Variants in RPH3AL observed in about 807,000 individuals in gnomAD.
RPH3AL encodes the protein rab effector Noc2.
RPH3AL carries 38 observed loss-of-function variants against 43.1 expected under a neutral mutation model. The ratio of observed to expected loss-of-function variants is 0.88; its 90% confidence interval spans 0.68 to 1.15. The LOEUF is 1.15. RPH3AL is among the 50% of genes most tolerant of loss of function. RPH3AL has a pLI of 0.00. For synonymous variants in RPH3AL, 189 were observed against 176.3 expected (o/e 1.07, Z -0.57); for missense variants, 462 against 423.2 (o/e 1.09, Z -0.81).
Position 289,453 on chromosome 17 carries a change from C to T in RPH3AL, c.352-7599G>A, listed in dbSNP as rs997601900. 1.8e-4 allele frequency among the ~76,000 whole-genome samples: 27 copies of T among 152,136 alleles called. No individual in the cohort carries two copies. Among genetic ancestry groups the T allele is most frequent in the South Asian group, 4.1e-4 (2 of 4,828 alleles). On this transcript the variant is annotated intron_variant, in intron 5 of 9. Transcript: ENST00000331302. The surrounding 1 kb of genome is among the most constrained non-coding windows in gnomAD (Gnocchi z 5.2). ...CCCCGTCCCTGATCTCTGCTGCCACCGCCCACGCCCACACCAAGGCCGCCC... is the reference window on the plus strand; with the variant it reads ...CCCCGTCCCTGATCTCTGCTGCCACTGCCCACGCCCACACCAAGGCCGCCC...
intron 7 of RPH3AL, among the ~76,000 whole-genome samples, chr17:221,772 C>G (rs1454976748): frequency 1.7e-5 from 2 of 114,680 alleles, no homozygotes; most frequent in African/African-American, 7.6e-5. Flanking sequence ...AGCTCTGAGG[C>G]CTCCACTCAC....
intron 1 of RPH3AL, among the ~76,000 whole-genome samples, chr17:347,809 G>A (rs2045269414): frequency 6.6e-6 from 1 of 152,022 alleles, no homozygotes; most frequent in African/African-American, 2.4e-5. Flanking sequence ...CCTTCATCAG[G>A]TGAATAAACA....
At chr17:347,539 G>A (rs2045262262) in intron 1 of RPH3AL, among the ~76,000 whole-genome samples, 2 of 151,848 alleles carry the variant, frequency 1.3e-5, no homozygotes, top group African/African-American at 4.8e-5. Flanking sequence ...AGCCGTGACT[G>A]TACAACCACA....
At chr17:349,921 C>CCAGCACACCACAGGGA (rs2045320346) in intron 1 of RPH3AL, among the ~76,000 whole-genome samples, 1 of 152,164 alleles carries the variant, frequency 6.6e-6, no homozygotes, top group African/African-American at 2.4e-5. Context: ...ACTGCTGTGC[C>CCAGCACACCACAGGGA]CAGCACACCA....
intron 5 of RPH3AL, among the ~76,000 whole-genome samples, chr17:316,266 C>G (rs73971729): frequency 0.15 from 9,090 of 59,226 alleles, 1,643 homozygotes; most frequent in African/African-American, 0.34. Flanking sequence ...GTCCCTGTGA[C>G]TCCATCTCCA....
intron 6 of RPH3AL, among the ~76,000 whole-genome samples, chr17:252,745 C>CT (rs1555543037): frequency 6.6e-6 from 1 of 152,182 alleles, no homozygotes; most frequent in Non-Finnish European, 1.5e-5. Context: ...TTCCAAAATG[C>CT]TTGGGACAGA....
intron 6 of RPH3AL, among the ~76,000 whole-genome samples, chr17:249,060 C>T (rs59337913): frequency 0.31 from 46,909 of 151,906 alleles, 7,527 homozygotes; most frequent in Non-Finnish European, 0.33. Context: ...AGAGAGCCAC[C>T]GATTAGAATT....
In RPH3AL at chr17:289,521, C is replaced by T. The variant is rs2042997331; in HGVS notation, c.352-7667G>A. Among the ~76,000 whole-genome samples, 1 of 152,220 alleles carries T rather than the reference C, an allele frequency of 6.6e-6. No individual in the cohort carries two copies. Among genetic ancestry groups the T allele is most frequent in the Non-Finnish European group, 1.5e-5 (1 of 68,042 alleles). On this transcript the variant is annotated intron_variant, in intron 5 of 9. Coordinates refer to ENST00000331302, the MANE Select transcript of RPH3AL (RefSeq NM_006987.4). This position sits in a 1 kb window ranked among gnomAD's most constrained non-coding sequence, Gnocchi z 5.2. ...CACCGCGCTGTCCTCCAGCTGGTTC[C>T]CGACATGGCAGCCAGGCCGATTTTC...
intron 2 of RPH3AL, chr17:331,294 G>GATGAAGGGAGATGGAAGGAT: frequency 3.6e-6 from 1 of 281,586 alleles, no homozygotes; most frequent in Non-Finnish European, 7.0e-6. Flanking sequence ...GACGGAAAGA[G>GATGAAGGGAGATGGAAGGAT]CCAAATGCTG....
At chr17:269,691 C>T (rs2042416428) in intron 6 of RPH3AL, among the ~76,000 whole-genome samples, 1 of 152,222 alleles carries the variant, frequency 6.6e-6, no homozygotes, top group Non-Finnish European at 1.5e-5. Flanking sequence ...ATGATCATGG[C>T]CTGGCCCTTA....
intron 7 of RPH3AL, among the ~76,000 whole-genome samples, chr17:232,237 C>T (rs2041246122): frequency 6.6e-6 from 1 of 152,190 alleles, no homozygotes; most frequent in Non-Finnish European, 1.5e-5. Context: ...ATTATTTGAC[C>T]TCTCCATGAC....
At chr17:304,851 C>T (rs918037424) in intron 5 of RPH3AL, among the ~76,000 whole-genome samples, 1 of 147,846 alleles carries the variant, frequency 6.8e-6, no homozygotes, top group African/African-American at 2.5e-5. Flanking sequence ...GTTTCTGTAC[C>T]AAGTGGTACA....
At chr17:351,437 C>T (rs140564409) in intron 1 of RPH3AL, among the ~76,000 whole-genome samples, 1 of 152,294 alleles carries the variant, frequency 6.6e-6, no homozygotes, top group East Asian at 1.9e-4. Flanking sequence ...CCTCTGTTCC[C>T]TACAGGACTC....
chr17:281,243 A>G (rs1290802302), intron 6 of RPH3AL, among the ~76,000 whole-genome samples: 1 of 152,082 alleles, frequency 6.6e-6, no homozygotes, highest in Non-Finnish European at 1.5e-5. Context: ...TTTGGTTTCC[A>G]GCTCCCCCAC....
chr17:317,303 C>T (rs1386718452), intron 5 of RPH3AL, among the ~76,000 whole-genome samples: 1 of 151,556 alleles, frequency 6.6e-6, no homozygotes, highest in African/African-American at 2.4e-5. Flanking sequence ...TGTCCCACCT[C>T]CATTGACCTT....
At chr17:268,722 C>G (rs533851699) in intron 6 of RPH3AL, among the ~76,000 whole-genome samples, 16 of 151,438 alleles carry the variant, frequency 1.1e-4, no homozygotes, top group African/African-American at 3.9e-4. Flanking sequence ...CCCACTACAC[C>G]AGGCTAATTT....
rs898107366 is a variant in RPH3AL, at chr17:225,600, C to G, written c.614-5864G>C. The stretch of plus-strand genomic sequence containing the variant: ...TTAGAGGCCTGTGGCTCACACTTCC[C>G]GGGAGCAGGGAGGTGTCCAGCAGGA... On this transcript the variant is annotated intron_variant, in intron 7 of 9. Coordinates refer to ENST00000331302, the MANE Select transcript of RPH3AL (RefSeq NM_006987.4). This position sits in a 1 kb window ranked among gnomAD's most constrained non-coding sequence, Gnocchi z 4.4. 3.9e-5 allele frequency among the ~76,000 whole-genome samples: 6 copies of G among 152,134 alleles called. No individual in the cohort carries two copies. The highest frequency in any genetic ancestry group is 1.4e-4 in the African/African-American group (6 of 41,424).
intron 5 of RPH3AL, among the ~76,000 whole-genome samples, chr17:284,234 G>A (rs2151610390): frequency 6.6e-6 from 1 of 152,330 alleles, no homozygotes; most frequent in African/African-American, 2.4e-5. Context: ...GAAGGAGGCA[G>A]GTGTTATGAT....
rs910970235 is a variant in RPH3AL, at chr17:245,083, G to A, written c.613+2028C>T. On this transcript the variant is annotated intron_variant, in intron 7 of 9. Coordinates refer to ENST00000331302, the MANE Select transcript of RPH3AL (RefSeq NM_006987.4). This position sits in a 1 kb window ranked among gnomAD's most constrained non-coding sequence, Gnocchi z 5.9. ...GATGTGTGTGCATAAATGTGCATGCGCAAGTGTGTGTAGACGTGTGTGTAC... is the reference window on the plus strand; with the variant it reads ...GATGTGTGTGCATAAATGTGCATGCACAAGTGTGTGTAGACGTGTGTGTAC... 1.8e-4 allele frequency among the ~76,000 whole-genome samples: 27 copies of A among 151,490 alleles called. 2 individuals are homozygous for A. Among genetic ancestry groups the A allele is most frequent in the Admixed American group, 6.6e-4 (10 of 15,208 alleles).
Sources: gnomAD v4.1 joint callset for allele counts (sites outside exome capture counted in the v4.1 genomes callset) on GRCh38, gnomAD v4.1.1 for gene constraint, Gnocchi (gnomAD v3.1) non-coding constraint, MANE v1.5 for transcripts, NCBI Gene and HGNC (gene_info 2026-07-23, HGNC 2026-07-21) for gene names.